Variants in PI4KA observed in about 807,000 individuals in gnomAD.
The protein encoded by PI4KA is PI4-kinase alpha.
In PI4KA, 122 loss-of-function variants were observed where a neutral mutation model predicts 271.4. The observed-to-expected ratio is 0.45, with a 90% CI of 0.39 to 0.52. PI4KA has a LOEUF of 0.52. PI4KA is among the 20% of genes least tolerant of loss of function. PI4KA has a pLI of 0.00. For missense variants in PI4KA, 1,969 were observed against 2,769.1 expected (o/e 0.71, Z 6.48); for synonymous variants, 1,041 against 1,078.8 (o/e 0.96, Z 0.69).
In PI4KA at chr22:20,723,780, G is replaced by A. The variant is rs190321751; in HGVS notation, c.4996-2362C>T. 7.1e-3 allele frequency among the ~76,000 whole-genome samples: 1,087 copies of A among 152,032 alleles called. 15 individuals are homozygous for A. The highest frequency in any genetic ancestry group is 0.024 in the African/African-American group (1,008 of 41,498). ...TGGGAGGTGGAGGTTGCAGTGAGCC[G>A]TGATCGTGCCACTGCACTCCAGCCT... is the stretch of plus-strand genomic sequence containing the variant. On this transcript the variant is annotated intron_variant, in intron 42 of 54. Coordinates refer to ENST00000255882, the MANE Select transcript of PI4KA (RefSeq NM_058004.4).
intron 2 of PI4KA, 24 bp downstream of exon 2, chr22:20,838,591 A>G: frequency 7.3e-7 from 1 of 1,371,034 alleles, no homozygotes; most frequent in Non-Finnish European, 1.0e-6. Context: ...CAATGAAGAA[A>G]CTTTTAATTT....
intron 7 of PI4KA, among the ~76,000 whole-genome samples, chr22:20,815,047 A>G (rs1031129746): frequency 2.0e-5 from 3 of 152,074 alleles, no homozygotes; most frequent in Admixed American, 1.3e-4. Flanking sequence ...GGAACCCAAA[A>G]GCATATAATT....
At position 20,740,706 on chromosome 22, in the gene PI4KA, G is replaced by A. The variant is rs184619912; in HGVS notation, c.3741+1522C>T. On this transcript the variant is annotated intron_variant, in intron 32 of 54. Coordinates refer to ENST00000255882, the MANE Select transcript of PI4KA (RefSeq NM_058004.4). Reference sequence around the variant, plus strand: ...TCAGGAGAACTGGTTCCAGGATGTGGAACCCATGGATATGGAGGGCCGGCT... The same window carrying A: ...TCAGGAGAACTGGTTCCAGGATGTGAAACCCATGGATATGGAGGGCCGGCT... Among the ~76,000 whole-genome samples, 257 of 152,292 alleles carry A rather than the reference G, an allele frequency of 1.7e-3. 2 individuals carry two copies. Among genetic ancestry groups the A allele is most frequent in the African/African-American group, 5.9e-3 (247 of 41,558 alleles).
In PI4KA at chr22:20,858,687, G is replaced by A. The variant is rs1927983774; in HGVS notation, c.39C>T (p.Gly13=). The A allele has an allele frequency of 4.1e-6, 6 of 1,467,722 alleles. No individual in the cohort carries two copies. In the African/African-American group the frequency reaches 4.4e-5, roughly 11 times the overall value. 90.9% of individuals were successfully genotyped at this position (1,467,722 alleles called of 1,614,324 possible). The change falls in exon 1 of 55, where the codon GGC becomes GGT. Residue 13 remains glycine, a synonymous_variant. Coordinates refer to ENST00000255882, the MANE Select transcript of PI4KA (RefSeq NM_058004.4). ...AAPARGGGGG[G]GGGGGCSGSG... ...AGCCGGAGCAGCCGCCGCCGCCTCCGCCTCCGCCTCCGCCTCCCCGGGCCG... is the reference window on the plus strand; with the variant it reads ...AGCCGGAGCAGCCGCCGCCGCCTCCACCTCCGCCTCCGCCTCCCCGGGCCG...
chr22:20,840,690 G>A (rs1925437789), intron 1 of PI4KA, among the ~76,000 whole-genome samples: 1 of 152,136 alleles, frequency 6.6e-6, no homozygotes, highest in African/African-American at 2.4e-5. Flanking sequence ...CAGGATATGG[G>A]AGAGATTACT....
At chr22:20,795,840 T>C (rs572406546) in intron 18 of PI4KA, among the ~76,000 whole-genome samples, 2 of 152,186 alleles carry the variant, frequency 1.3e-5, no homozygotes, top group East Asian at 1.9e-4. Context: ...GGCTTCATGA[T>C]AAAGGCAAGG....
At chr22:20,781,727 G>A (rs1294380914) in intron 19 of PI4KA, among the ~76,000 whole-genome samples, 3 of 152,238 alleles carry the variant, frequency 2.0e-5, no homozygotes, top group South Asian at 4.1e-4. Context: ...GAGACCACAT[G>A]TACATGATGA....
intron 19 of PI4KA, chr22:20,787,545 G>T: frequency 4.6e-6 from 1 of 217,508 alleles, no homozygotes; most frequent in Non-Finnish European, 9.3e-6. Context: ...GCCACCTCAA[G>T]ACATATGAGG....
At chr22:20,779,887 A>C in intron 19 of PI4KA, 1 of 1,614,248 alleles carries the variant, frequency 6.2e-7, no homozygotes, top group Non-Finnish European at 8.5e-7. Flanking sequence ...GCCAGCAGCA[A>C]GTATGAAATC....
At chr22:20,737,045 T>C (rs1928817144) in intron 32 of PI4KA, among the ~76,000 whole-genome samples, 1 of 152,150 alleles carries the variant, frequency 6.6e-6, no homozygotes, top group Admixed American at 6.5e-5. Flanking sequence ...TTGGACCCAT[T>C]AGTTGGGGCT....
intron 19 of PI4KA, among the ~76,000 whole-genome samples, chr22:20,780,903 T>C (rs1206280398): frequency 1.3e-5 from 2 of 151,886 alleles, no homozygotes; most frequent in Non-Finnish European, 2.9e-5. Context: ...ATACAAAAAC[T>C]GTTTTAGCAT....
chr22:20,832,601 C>G (rs1464717248), intron 3 of PI4KA, among the ~76,000 whole-genome samples: 1 of 152,082 alleles, frequency 6.6e-6, no homozygotes, highest in Non-Finnish European at 1.5e-5. Flanking sequence ...TTATAGGAAC[C>G]TGCCACCACA....
chr22:20,763,030 G>A (rs1480466820), intron 22 of PI4KA, among the ~76,000 whole-genome samples: 2 of 81,728 alleles, frequency 2.4e-5, no homozygotes, highest in Non-Finnish European at 4.6e-5. Context: ...GGGGGGGGGG[G>A]GTTAGAGACA....
intron 15 of PI4KA, 115 bp from the exon 16 acceptor site, chr22:20,799,391 T>C (rs1488369167): frequency 9.7e-7 from 1 of 1,029,796 alleles, no homozygotes; most frequent in East Asian, 2.7e-5. Context: ...TGATGCAGTG[T>C]TCATCTGAAA....
intron 19 of PI4KA, chr22:20,773,866 C>T (rs1933034956): frequency 6.6e-6 from 1 of 152,286 alleles, no homozygotes; most frequent in South Asian, 2.1e-4. Flanking sequence ...GGGGCTGCTC[C>T]TGCACCAAGG....
intron 1 of PI4KA, among the ~76,000 whole-genome samples, chr22:20,841,049 C>G (rs1925489867): frequency 2.0e-5 from 3 of 152,080 alleles, no homozygotes; most frequent in Non-Finnish European, 4.4e-5. Context: ...ATAAAACAGG[C>G]TGCAGTAAAG....
intron 3 of PI4KA, among the ~76,000 whole-genome samples, chr22:20,833,818 C>A (rs1430108795): frequency 6.6e-6 from 1 of 151,946 alleles, no homozygotes; most frequent in Non-Finnish European, 1.5e-5. Flanking sequence ...CACCACCATG[C>A]CCGGCTAATT....
chr22:20,823,206 A>T (rs1922938754), intron 4 of PI4KA, among the ~76,000 whole-genome samples: 1 of 152,100 alleles, frequency 6.6e-6, no homozygotes, highest in African/African-American at 2.4e-5. Flanking sequence ...GAGCCACCGC[A>T]CCCAGCCACT....
chr22:20,817,436 C>G (rs1206576959), intron 7 of PI4KA, among the ~76,000 whole-genome samples: 1 of 151,844 alleles, frequency 6.6e-6, no homozygotes, highest in East Asian at 1.9e-4. Flanking sequence ...CAGCAGAGCT[C>G]TATAAAAAGT....
Sources: gnomAD v4.1 joint callset for allele counts (sites outside exome capture counted in the v4.1 genomes callset) on GRCh38, gnomAD v4.1.1 for gene constraint, MANE v1.5 for transcripts, NCBI Gene and HGNC (gene_info 2026-07-23, HGNC 2026-07-21) for gene names.